The following BRSK2 variants were observed in gnomAD, a reference collection of about 807,000 sequenced individuals.
BRSK2 encodes BR serine/threonine kinase 2.
In BRSK2, 19 loss-of-function variants were observed where a neutral mutation model predicts 83.3. That is an observed-to-expected ratio of 0.23 (90% CI 0.16 to 0.33). The LOEUF (loss-of-function observed/expected upper bound fraction) is 0.33. Among genes scored for constraint, BRSK2 ranks in the 10% least tolerant of loss-of-function variants. The probability of loss-of-function intolerance (pLI) is 1.00; values close to 1 mark genes in which losing one functional copy is unlikely to be tolerated. For synonymous variants in BRSK2, 519 were observed against 435.4 expected (o/e 1.19, Z -2.39); for missense variants, 798 against 1,042.3 (o/e 0.77, Z 3.23).
intron 2 of BRSK2, among the ~76,000 whole-genome samples, chr11:1,436,667 G>A (rs2133015737): frequency 6.6e-6 from 1 of 152,248 alleles, no homozygotes; most frequent in African/African-American, 2.4e-5. Context: ...CGGCTGCTGG[G>A]AAGCCTGACC....
intron 13 of BRSK2, 88 bp downstream of exon 13, chr11:1,449,924 C>T (rs11028332): frequency 0.84 from 853,905 of 1,018,756 alleles, 364,889 homozygotes; most frequent in Non-Finnish European, 0.9. Flanking sequence ...GGCAGCCTCG[C>T]GGACCCTGGG....
chr11:1,457,773 TCCATCATCATG>T (rs1355955845), intron 18 of BRSK2, among the ~76,000 whole-genome samples: 4 of 152,054 alleles, frequency 2.6e-5, no homozygotes, highest in Non-Finnish European at 5.9e-5. Context: ...ACATCCTCAT[TCCATCATCATG>T]CCATCACCTG....
chr11:1,435,966 A>T, intron 1 of BRSK2, 74 bp from the exon 2 acceptor site: 3 of 1,175,106 alleles, frequency 2.6e-6, no homozygotes, highest in Admixed American at 2.1e-5. Flanking sequence ...GAGGCCCCCA[A>T]CCTGCACTGT....
intron 15 of BRSK2, among the ~76,000 whole-genome samples, chr11:1,451,881 C>T (rs2133210998): frequency 6.6e-6 from 1 of 152,284 alleles, no homozygotes; most frequent in East Asian, 1.9e-4. Context: ...AGAGGTGCCA[C>T]TGCAGAGACT....
chr11:1,407,838 C>T (rs374632952), intron 1 of BRSK2, among the ~76,000 whole-genome samples: 5 of 152,218 alleles, frequency 3.3e-5, no homozygotes, highest in African/African-American at 4.8e-5. Flanking sequence ...GAGTGTGGGG[C>T]GGGCCCGGCA....
At chr11:1,419,474 T>G (rs1201716145) in intron 1 of BRSK2, among the ~76,000 whole-genome samples, 1 of 152,260 alleles carries the variant, frequency 6.6e-6, no homozygotes, top group African/African-American at 2.4e-5. Flanking sequence ...AGTCCTTATT[T>G]AAATAGTTTC....
At chr11:1,459,326 G>C in intron 19 of BRSK2, 87 bp downstream of exon 19, 1 of 1,490,476 alleles carries the variant, frequency 6.7e-7, no homozygotes, top group Non-Finnish European at 9.3e-7. Flanking sequence ...CTGCCGCCCG[G>C]GTTGTCCCGG....
Position 1,445,643 on chromosome 11 carries a change from G to A in BRSK2, c.1050G>A (p.Glu350=), listed in dbSNP as rs1590610893. The A allele has an allele frequency of 6.3e-7, 1 of 1,590,570 alleles. No homozygotes were observed. The highest frequency in any genetic ancestry group is 1.1e-5 in the South Asian group (1 of 88,774). The part of the protein sequence containing the change: ...RKERYPSQED[E]DLPPRNEIDP... The stretch of plus-strand genomic sequence containing the variant: ...AAAGGTACCCGAGCCAGGAGGATGA[G>A]GACCTGCCCCCCCGGAACGAGATAG... Residue 350 remains glutamate, a synonymous_variant, in exon 11 of 20, where the codon GAG becomes GAA. Coordinates refer to ENST00000528841, the MANE Select transcript of BRSK2 (RefSeq NM_001256627.2).
Position 1,460,914 on chromosome 11 carries a change from C to T in BRSK2, c.*191C>T, listed in dbSNP as rs745916254. ...CACCCGCGCCCGCTCTCTTTTCTCTCTGTCTCTGCCTCTGCCTGTCTCTGA... is the reference window on the plus strand; with the variant it reads ...CACCCGCGCCCGCTCTCTTTTCTCTTTGTCTCTGCCTCTGCCTGTCTCTGA... On this transcript the variant is annotated 3_prime_UTR_variant, in exon 20 of 20. Coordinates refer to ENST00000528841, the MANE Select transcript of BRSK2 (RefSeq NM_001256627.2). The T allele has an allele frequency of 1.6e-4, 255 of 1,610,916 alleles. 1 individual carries two copies. The highest frequency in any genetic ancestry group is 2.0e-4 in the Non-Finnish European group (234 of 1,179,016).
intron 17 of BRSK2, 32 bp downstream of exon 17, chr11:1,456,560 C>G: frequency 6.2e-7 from 1 of 1,604,124 alleles, no homozygotes; most frequent in African/African-American, 1.3e-5. Flanking sequence ...GGCTCCGGGC[C>G]CAGGCCCGTC....
At chr11:1,450,289 C>T (rs942759305) in intron 13 of BRSK2, among the ~76,000 whole-genome samples, 7 of 152,054 alleles carry the variant, frequency 4.6e-5, no homozygotes, top group African/African-American at 1.7e-4. Context: ...CCCTGGCCAC[C>T]TCCACGGAGC....
chr11:1,455,502 T>G (rs2133252115), intron 16 of BRSK2, among the ~76,000 whole-genome samples: 1 of 152,180 alleles, frequency 6.6e-6, no homozygotes, highest in East Asian at 1.9e-4. Flanking sequence ...CTCAGGCCAC[T>G]GCTGCCCTGG....
intron 14 of BRSK2, among the ~76,000 whole-genome samples, 174 bp from the exon 15 acceptor site, chr11:1,451,197 G>A (rs535889703): frequency 1.3e-5 from 2 of 152,044 alleles, no homozygotes; most frequent in Admixed American, 6.6e-5. Flanking sequence ...GGGCGCCACT[G>A]CCAGTGGGCC....
chr11:1,456,859 C>T, intron 18 of BRSK2, 172 bp downstream of exon 18: 1 of 1,434,328 alleles, frequency 7.0e-7, no homozygotes, highest in African/African-American at 1.4e-5. Context: ...AGCAGAGCCC[C>T]TCCCTGGCCT....
rs1188811264 is a variant in BRSK2, at chr11:1,442,627, G to A, written c.530+21G>A. On this transcript the variant is annotated intron_variant, in intron 5 of 19. Transcript: ENST00000528841. ...TGTGGGTACGTGGCCCTCTGCCCTGGAGAGAGGCTGGGGGACAGGCTGGGC... is the reference window on the plus strand; with the variant it reads ...TGTGGGTACGTGGCCCTCTGCCCTGAAGAGAGGCTGGGGGACAGGCTGGGC... 11 of 1,578,762 alleles carry A rather than the reference G, an allele frequency of 7.0e-6. No individual in the cohort carries two copies. The African/African-American group carries it at 8.1e-5, about 12-fold the overall frequency.
chr11:1,403,291 G>A (rs1015583995), intron 1 of BRSK2, among the ~76,000 whole-genome samples: 2 of 152,220 alleles, frequency 1.3e-5, no homozygotes, highest in African/African-American at 4.8e-5. Flanking sequence ...GATGGAGGCT[G>A]CTGTGCGTGG....
intron 1 of BRSK2, among the ~76,000 whole-genome samples, chr11:1,398,003 C>T (rs1437088329): frequency 2.6e-5 from 4 of 152,212 alleles, no homozygotes; most frequent in Non-Finnish European, 4.4e-5. Context: ...GGTGGGAGGG[C>T]GCCTGGACGG....
At chr11:1,408,845 G>T (rs1847115471) in intron 1 of BRSK2, among the ~76,000 whole-genome samples, 1 of 151,192 alleles carries the variant, frequency 6.6e-6, no homozygotes, top group African/African-American at 2.4e-5. Context: ...GGCTGTGCTG[G>T]GGTGTGTGTG....
intron 1 of BRSK2, among the ~76,000 whole-genome samples, chr11:1,407,408 ACATCG>A (rs1846963881): frequency 6.6e-6 from 1 of 152,070 alleles, no homozygotes; most frequent in Admixed American, 6.5e-5. Flanking sequence ...GGGGCTTCTC[ACATCG>A]GACCCTTGGC....
Sources: gnomAD v4.1 joint callset for allele counts (sites outside exome capture counted in the v4.1 genomes callset) on GRCh38, gnomAD v4.1.1 for gene constraint, MANE v1.5 for transcripts, NCBI Gene and HGNC (gene_info 2026-07-23, HGNC 2026-07-21) for gene names.